Variants in PTPRG observed in about 807,000 individuals in gnomAD.
PTPRG encodes the protein protein tyrosine phosphatase receptor type G, also known as receptor-type tyrosine-protein phosphatase gamma.
In PTPRG, 102 loss-of-function variants were observed where a neutral mutation model predicts 165.3. The observed-to-expected ratio is 0.62, with a 90% CI of 0.53 to 0.73. The LOEUF is 0.73. Among genes scored for constraint, PTPRG ranks in the 30% least tolerant of loss-of-function variants. The pLI is 0.00. For synonymous variants in PTPRG, 675 were observed against 669.5 expected (o/e 1.01, Z -0.13); for missense variants, 1,866 against 1,861.4 (o/e 1.00, Z -0.05).
At chr3:61,725,060 A>G (rs2106807313) in intron 1 of PTPRG, among the ~76,000 whole-genome samples, 1 of 152,292 alleles carries the variant, frequency 6.6e-6, no homozygotes, top group African/African-American at 2.4e-5. Context: ...AGCACCAGGT[A>G]CAGAAGATTT....
At chr3:61,711,199 C>T (rs2031535389) in intron 1 of PTPRG, among the ~76,000 whole-genome samples, 1 of 152,160 alleles carries the variant, frequency 6.6e-6, no homozygotes, top group African/African-American at 2.4e-5. Context: ...GGTTCCAAGT[C>T]TTTGCTATGG....
chr3:62,157,339 A>G, intron 7 of PTPRG, 115 bp downstream of exon 7: 5 of 1,069,942 alleles, frequency 4.7e-6, no homozygotes, highest in Non-Finnish European at 6.6e-6. Context: ...TGTGCATATC[A>G]TTGATTCCTG....
chr3:62,011,204 G>A (rs1019821361), intron 4 of PTPRG, among the ~76,000 whole-genome samples: 1 of 152,178 alleles, frequency 6.6e-6, no homozygotes, highest in African/African-American at 2.4e-5. Context: ...CCGTGCATGT[G>A]TTAAGGAATT....
In PTPRG at chr3:62,255,224, C is replaced by G. The variant is rs748232764; in HGVS notation, c.2559+9C>G. 3 of 1,602,964 alleles carry G rather than the reference C, an allele frequency of 1.9e-6. No homozygotes were observed. In the Admixed American group the frequency reaches 5.1e-5, roughly 27 times the overall value. On this transcript the variant is annotated intron_variant, in intron 16 of 29. Transcript: ENST00000474889. The surrounding 1 kb of genome is among the most constrained non-coding windows in gnomAD (Gnocchi z 4.0). ...TCTCTGAGGATTTTGAGGTATGTTTCAAGGCTGGAAGTTAACTTCCAGAAA... is the reference window on the plus strand; with the variant it reads ...TCTCTGAGGATTTTGAGGTATGTTTGAAGGCTGGAAGTTAACTTCCAGAAA...
intron 2 of PTPRG, among the ~76,000 whole-genome samples, chr3:61,960,734 G>A (rs891128492): frequency 6.6e-6 from 1 of 152,084 alleles, no homozygotes; most frequent in African/African-American, 2.4e-5. Flanking sequence ...TTTTAGGCTG[G>A]TTGCTTTTGT....
At chr3:61,873,093 A>G (rs1239084236) in intron 2 of PTPRG, among the ~76,000 whole-genome samples, 1 of 152,154 alleles carries the variant, frequency 6.6e-6, no homozygotes, top group Non-Finnish European at 1.5e-5. Flanking sequence ...GGAGCTGTAT[A>G]TATTCAGTAA....
intron 2 of PTPRG, among the ~76,000 whole-genome samples, chr3:61,954,936 C>T (rs1373026616): frequency 2.0e-5 from 3 of 152,174 alleles, no homozygotes; most frequent in Admixed American, 2.0e-4. Flanking sequence ...CCAACATGTC[C>T]TGAGCAAGAT....
At chr3:61,801,944 G>C (rs2035258463) in intron 2 of PTPRG, among the ~76,000 whole-genome samples, 1 of 150,278 alleles carries the variant, frequency 6.7e-6, no homozygotes, top group African/African-American at 2.5e-5. Context: ...AGAATCACTT[G>C]AACCCGGGAT....
intron 1 of PTPRG, among the ~76,000 whole-genome samples, chr3:61,747,969 A>G (rs1209403608): frequency 2.0e-4 from 31 of 152,198 alleles, no homozygotes; most frequent in Admixed American, 2.0e-3. Context: ...AACAAAAGAA[A>G]TCCGCATCCA....
intron 8 of PTPRG, among the ~76,000 whole-genome samples, chr3:62,168,912 G>C (rs901984495): frequency 6.6e-6 from 1 of 152,092 alleles, no homozygotes; most frequent in South Asian, 2.1e-4. Context: ...GCTCTCAGCA[G>C]GATGTATAGG....
At position 62,269,061 on chromosome 3, in the gene PTPRG, A is replaced by T. The variant is rs978454224; in HGVS notation, c.2901A>T (p.Thr967=). 6.2e-7 allele frequency: 1 copy of T among 1,602,002 alleles called. No homozygotes were observed. The highest frequency in any genetic ancestry group is 8.5e-7 in the Non-Finnish European group (1 of 1,170,904). The part of the protein sequence containing the change: ...GRRKCDQYWP[T]ENSEEYGNII... Reference sequence around the variant, plus strand: ...GAAAATGTGATCAGTATTGGCCAACAGAGAACAGTGAGGAATATGGAAACA... The same window carrying T: ...GAAAATGTGATCAGTATTGGCCAACTGAGAACAGTGAGGAATATGGAAACA... The change falls in exon 20 of 30, where the codon ACA becomes ACT. Residue 967 remains threonine (T), a synonymous_variant. Coordinates refer to ENST00000474889, the MANE Select transcript of PTPRG (RefSeq NM_002841.4).
chr3:62,048,051 C>T (rs1483762105), intron 4 of PTPRG, among the ~76,000 whole-genome samples: 1 of 152,092 alleles, frequency 6.6e-6, no homozygotes, highest in Admixed American at 6.6e-5. Context: ...TTCTTGGAAA[C>T]CTGCTGAAAG....
chr3:61,910,346 C>T (rs1266595105), intron 2 of PTPRG, among the ~76,000 whole-genome samples: 3 of 152,142 alleles, frequency 2.0e-5, no homozygotes, highest in Admixed American at 6.6e-5. Context: ...TGCTCTGCAC[C>T]ATCTCTGTTT....
intron 5 of PTPRG, among the ~76,000 whole-genome samples, chr3:62,113,205 G>A (rs550761108): frequency 2.6e-5 from 4 of 152,220 alleles, no homozygotes; most frequent in South Asian, 4.1e-4. Flanking sequence ...CTCCACATGG[G>A]AGGAGAAGTA....
chr3:61,623,781 CACAT>C (rs1168608497), intron 1 of PTPRG, among the ~76,000 whole-genome samples: 1 of 152,142 alleles, frequency 6.6e-6, no homozygotes, highest in African/African-American at 2.4e-5. Context: ...TTGTAGAAGT[CACAT>C]ACAGGGCTAC....
intron 15 of PTPRG, among the ~76,000 whole-genome samples, chr3:62,249,942 C>T (rs558300794): frequency 6.6e-6 from 1 of 152,244 alleles, no homozygotes; most frequent in Admixed American, 6.5e-5. Flanking sequence ...GCTTCTTGGT[C>T]CCTGTTAGGC....
At chr3:61,841,128 T>C (rs1193922309) in intron 2 of PTPRG, among the ~76,000 whole-genome samples, 3 of 152,170 alleles carry the variant, frequency 2.0e-5, no homozygotes, top group Non-Finnish European at 2.9e-5. Context: ...ACTGATTATC[T>C]TACCAACTTT....
intron 1 of PTPRG, chr3:61,742,588 A>T: frequency 6.3e-7 from 1 of 1,597,058 alleles, no homozygotes; most frequent in Non-Finnish European, 8.5e-7. Context: ...ATCGGCTGTC[A>T]TCTTCACGTG....
chr3:62,212,731 C>T (rs1423753288), intron 12 of PTPRG, among the ~76,000 whole-genome samples: 2 of 152,182 alleles, frequency 1.3e-5, no homozygotes, highest in Non-Finnish European at 2.9e-5. Context: ...CGCTTGGTTC[C>T]AACTGATGTG....
Sources: gnomAD v4.1 joint callset for allele counts (sites outside exome capture counted in the v4.1 genomes callset) on GRCh38, gnomAD v4.1.1 for gene constraint, Gnocchi (gnomAD v3.1) non-coding constraint, MANE v1.5 for transcripts, NCBI Gene and HGNC (gene_info 2026-07-23, HGNC 2026-07-21) for gene names.